Variants in SACS observed in about 807,000 individuals in gnomAD.
SACS encodes sacsin.
In SACS, 197 loss-of-function variants were observed where a neutral mutation model predicts 348.0. The ratio of observed to expected loss-of-function variants is 0.57; its 90% CI spans 0.50 to 0.64. The LOEUF is 0.64. SACS is among the 30% of genes least tolerant of loss of function. The pLI, the probability that SACS is intolerant of heterozygous loss-of-function variation, is 0.00. For missense variants in SACS, 4,999 were observed against 5,360.8 expected (o/e 0.93, Z 2.11); for synonymous variants, 1,985 against 1,910.6 (o/e 1.04, Z -1.02).
At chr13:23,344,387 A>C (rs1244139840) in intron 9 of SACS, among the ~76,000 whole-genome samples, 4 of 151,068 alleles carry the variant, frequency 2.6e-5, no homozygotes, top group Admixed American at 1.3e-4. Flanking sequence ...AATGCCAACA[A>C]AACACACACA....
chr13:23,354,630 C>CT lies in SACS; in HGVS notation c.1981dup (p.Ser661LysfsTer2). On this transcript the variant is annotated frameshift_variant, in exon 8 of 10. Coordinates refer to ENST00000382292, the MANE Select transcript of SACS (RefSeq NM_014363.6). LOFTEE classifies it high-confidence loss of function. ...GAGCAGCTCCAGCCCAAGCAGCTCA[C>CT]TGTAGGCTTGGTCAGAAAGCACAAA... 6.2e-7 allele frequency: 1 copy of CT among 1,614,234 alleles called. No homozygotes were observed. The highest frequency in any genetic ancestry group is 8.5e-7 in the Non-Finnish European group (1 of 1,180,046).
chr13:23,330,479 T>C lies in SACS; in HGVS notation c.13397A>G (p.His4466Arg), dbSNP rs190863371. Residue 4466 changes from histidine to arginine, a missense_variant, in exon 10 of 10, where the codon CAT (histidine) becomes CGT (arginine). His to Arg is a conservative substitution (Grantham distance 29). Around this residue, in one of 6 missense-constraint regions of SACS, gnomAD observed 254 missense variants for 275.1 expected, o/e 0.92. Coordinates refer to ENST00000382292, the MANE Select transcript of SACS (RefSeq NM_014363.6). ...GCACACCCACTCATTGGCATTTTTATGAAGGTCATTCCTGGCAGCTGAGAA... is the reference window on the plus strand; with the variant it reads ...GCACACCCACTCATTGGCATTTTTACGAAGGTCATTCCTGGCAGCTGAGAA... ...ANFSAARNDLHKNANEWVCFK... is the reference protein window; with the variant it reads ...ANFSAARNDLRKNANEWVCFK... 8 of 1,614,222 alleles carry C rather than the reference T, an allele frequency of 5.0e-6. No homozygotes were observed. The East Asian group carries it at 1.8e-4, about 36-fold the overall frequency.
At chr13:23,405,235 A>G (rs1566104770) in intron 2 of SACS, among the ~76,000 whole-genome samples, 1 of 152,234 alleles carries the variant, frequency 6.6e-6, no homozygotes, top group Non-Finnish European at 1.5e-5. Context: ...GGAACAGAAA[A>G]GAGTCCTCAG....
Position 23,331,707 on chromosome 13 carries a change from A to T in SACS, c.12169T>A (p.Leu4057Ile). The change falls in exon 10 of 10, where the codon TTA (leucine) becomes ATA (isoleucine). Residue 4057 changes from leucine (L) to isoleucine (I), a missense_variant. By Grantham distance (5) the Leu-to-Ile change is conservative. Coordinates refer to ENST00000382292, the MANE Select transcript of SACS (RefSeq NM_014363.6). Reference protein sequence around the residue: ...VSCFEKLQTTLRVKGFNPIPH... With the variant: ...VSCFEKLQTTIRVKGFNPIPH... ...ATAGGATTAAAACCTTTAACTCTTAATGTTGTTTGAAGCTTTTCAAAGCAG... is the reference window on the plus strand; with the variant it reads ...ATAGGATTAAAACCTTTAACTCTTATTGTTGTTTGAAGCTTTTCAAAGCAG... The T allele has an allele frequency of 1.2e-6, 2 of 1,613,912 alleles. No homozygotes were observed. The highest frequency in any genetic ancestry group is 1.7e-6 in the Non-Finnish European group (2 of 1,179,954).
chr13:23,336,926 T>C lies in SACS; in HGVS notation c.6950A>G (p.Asn2317Ser), dbSNP rs566672201. Residue 2317 changes from asparagine to serine, a missense_variant, in exon 10 of 10, where the codon AAT becomes AGT. This residue lies in a region of SACS where 3,156 missense variants were observed against 3,380.1 expected (regional missense o/e 0.93). Transcript: ENST00000382292. ...GITLYQENIT[N>S]ACYKYLHEAL... ...TTCATGAAGGTATTTGTAGCAAGCA[T>C]TGGTGATATTCTCCTGGTACAGTGT... The C allele has an allele frequency of 2.5e-6, 4 of 1,613,954 alleles. No homozygotes were observed. The highest frequency in any genetic ancestry group is 2.2e-5 in the East Asian group (1 of 44,864).
intron 3 of SACS, 92 bp from the exon 4 acceptor site, chr13:23,371,257 A>G: frequency 1.6e-6 from 1 of 627,244 alleles, no homozygotes. Context: ...CACTTAAGTA[A>G]TGCTTGTTAA....
intron 6 of SACS, among the ~76,000 whole-genome samples, chr13:23,360,062 T>G (rs777670556): frequency 3.9e-5 from 6 of 152,054 alleles, no homozygotes; most frequent in Non-Finnish European, 5.9e-5. Flanking sequence ...TTCCAGAAAC[T>G]AAAGCCATCA....
At chr13:23,364,096 G>A (rs1870915540) in intron 6 of SACS, among the ~76,000 whole-genome samples, 1 of 152,148 alleles carries the variant, frequency 6.6e-6, no homozygotes, top group South Asian at 2.1e-4. Flanking sequence ...ATAGAGTATA[G>A]AAAGTACAAC....
At chr13:23,393,760 A>AT (rs749913468) in intron 2 of SACS, among the ~76,000 whole-genome samples, 140 of 150,490 alleles carry the variant, frequency 9.3e-4, no homozygotes, top group Non-Finnish European at 1.5e-3. Flanking sequence ...TCTTTTTTTT[A>AT]TTTTTTTTTA....
rs538167476 is a variant in SACS, at chr13:23,409,460, G to A, written c.20+1760C>T. Among the ~76,000 whole-genome samples the A allele has an allele frequency of 8.1e-4, 120 of 147,554 alleles. 1 individual carries two copies. The highest frequency in any genetic ancestry group is 3.6e-3 in the Middle Eastern group (1 of 280). ...CAACCTCCGCCTCCTGGGTTCAAGC[G>A]ATTCTACTGCCTCAGCCTCCCGAGT... On this transcript the variant is annotated intron_variant, in intron 2 of 9. Coordinates refer to ENST00000382292, the MANE Select transcript of SACS (RefSeq NM_014363.6).
In SACS at chr13:23,335,808, A is replaced by T; in HGVS notation, c.8068T>A (p.Phe2690Ile). ...AACATTGTGCAATTATCCAGTTTAAAATGGGTTCCCAGATAAAGATCCAGA... is the reference window on the plus strand; with the variant it reads ...AACATTGTGCAATTATCCAGTTTAATATGGGTTCCCAGATAAAGATCCAGA... ...DVLDLYLGTH[F>I]KLDNCTMFRF... Residue 2690 changes from phenylalanine (F) to isoleucine (I), a missense_variant, in exon 10 of 10, where the codon TTT becomes ATT. Phe to Ile is a conservative substitution (Grantham distance 21). Around this residue, in one of 6 missense-constraint regions of SACS, gnomAD observed 3,156 missense variants for 3,380.1 expected, o/e 0.93. Coordinates refer to ENST00000382292, the MANE Select transcript of SACS (RefSeq NM_014363.6). This position sits in a 1 kb window ranked among gnomAD's most constrained non-coding sequence, Gnocchi z 4.7. 3 of 1,614,016 alleles carry T rather than the reference A, an allele frequency of 1.9e-6. No homozygotes were observed. The highest frequency in any genetic ancestry group is 2.5e-6 in the Non-Finnish European group (3 of 1,179,914).
At chr13:23,399,863 G>A (rs1195090229) in intron 2 of SACS, among the ~76,000 whole-genome samples, 1 of 151,550 alleles carries the variant, frequency 6.6e-6, no homozygotes, top group Non-Finnish European at 1.5e-5. Flanking sequence ...CCTCCTACCA[G>A]AGAGCTTCCA....
chr13:23,400,032 T>C (rs4770442), intron 2 of SACS, among the ~76,000 whole-genome samples: 26,228 of 152,136 alleles, frequency 0.17, 2,454 homozygotes, highest in Non-Finnish European at 0.21. Flanking sequence ...AAACCTGTCT[T>C]TGACTGCCAA....
At chr13:23,375,773 T>C (rs1432130759) in intron 2 of SACS, among the ~76,000 whole-genome samples, 1 of 139,854 alleles carries the variant, frequency 7.2e-6, no homozygotes, top group East Asian at 2.4e-4. Context: ...AGGCTCCGCC[T>C]GCCAGGCCCC....
At chr13:23,393,714 G>A (rs1169423043) in intron 2 of SACS, among the ~76,000 whole-genome samples, 1 of 152,018 alleles carries the variant, frequency 6.6e-6, no homozygotes, top group Non-Finnish European at 1.5e-5. Context: ...TATTAATAAA[G>A]AGCCCCTTTT....
At chr13:23,375,890 T>C (rs796944627) in intron 2 of SACS, among the ~76,000 whole-genome samples, 3 of 152,330 alleles carry the variant, frequency 2.0e-5, no homozygotes, top group African/African-American at 7.2e-5. Context: ...CAACAGTGCA[T>C]TGAAATGCAG....
At position 23,329,249 on chromosome 13, in the gene SACS, G is replaced by A; in HGVS notation, c.*887C>T. On this transcript the variant is annotated 3_prime_UTR_variant, in exon 10 of 10. Coordinates refer to ENST00000382292, the MANE Select transcript of SACS (RefSeq NM_014363.6). The stretch of plus-strand genomic sequence containing the variant: ...CACTACATGCCATATTGAAAGAAAA[G>A]GTTGTTTTTTTTTTAACTGCAGCAC... The A allele has an allele frequency of 1.9e-6, 1 of 514,452 alleles. No homozygotes were observed. The highest frequency in any genetic ancestry group is 3.4e-6 in the Non-Finnish European group (1 of 292,740). The allele number at this position is 514,452 out of a possible 1,614,324, so 31.9% of individuals were successfully genotyped here. A position where few individuals can be genotyped will look rare whatever the true frequency, so the allele number is the denominator to read the frequency against.
intron 2 of SACS, among the ~76,000 whole-genome samples, chr13:23,397,144 C>T (rs532730428): frequency 1.4e-5 from 2 of 140,162 alleles, no homozygotes; most frequent in African/African-American, 2.5e-5. Context: ...CTTCCTAGTT[C>T]TCTCTGTTAA....
chr13:23,335,518 A>G lies in SACS; in HGVS notation c.8358T>C (p.Asp2786=), dbSNP rs2137592718. Residue 2786 remains aspartate, a synonymous_variant, in exon 10 of 10, where the codon GAT becomes GAC. Transcript: ENST00000382292. This position sits in a 1 kb window ranked among gnomAD's most constrained non-coding sequence, Gnocchi z 4.7. ...TGAGCTGCCTCTTTTTAGTAACACT[A>G]TCAATTACAGATGCATGAAATTGTT... The part of the protein sequence containing the change: ...KRKQFHASVI[D]SVTKKRQLKD... 5.6e-6 allele frequency: 9 copies of G among 1,613,744 alleles called. No homozygotes were observed. The highest frequency in any genetic ancestry group is 2.2e-5 in the East Asian group (1 of 44,882).
Sources: allele counts gnomAD v4.1 joint callset (sites outside exome capture counted in the v4.1 genomes callset), GRCh38; gene constraint gnomAD v4.1.1; regional missense constraint gnomAD v4.1.1; non-coding constraint Gnocchi (gnomAD v3.1); transcripts MANE v1.5; gene names NCBI Gene and HGNC (gene_info 2026-07-23, HGNC 2026-07-21).